The following NPAS3 variants were observed in gnomAD, a reference collection of about 807,000 sequenced individuals.
The protein encoded by NPAS3 is neuronal PAS domain protein 3, also known as neuronal PAS domain-containing protein 3.
NPAS3 carries 14 observed loss-of-function variants against 73.1 expected under a neutral mutation model. The observed-to-expected ratio is 0.19, with a 90% CI of 0.13 to 0.30. NPAS3 has a LOEUF of 0.30. Among genes scored for constraint, NPAS3 ranks in the 10% least tolerant of loss-of-function variants. The pLI is 1.00. For missense variants in NPAS3, 1,096 were observed against 1,250.0 expected, an observed-to-expected ratio of 0.88 and a Z score of 1.86; for synonymous variants, 620 against 541.5, an observed-to-expected ratio of 1.14 and a Z score of -2.01.
chr14:33,210,639 C>G (rs1336305640), intron 2 of NPAS3, among the ~76,000 whole-genome samples: 1 of 152,094 alleles, frequency 6.6e-6, no homozygotes, highest in Non-Finnish European at 1.5e-5. Context: ...ATTTAAAAAC[C>G]TTCAATAGCA....
At chr14:33,098,519 T>C (rs2042488853) in intron 2 of NPAS3, among the ~76,000 whole-genome samples, 1 of 152,172 alleles carries the variant, frequency 6.6e-6, no homozygotes, top group Non-Finnish European at 1.5e-5. Flanking sequence ...TTTAGGAAAC[T>C]GAGGCCCAAA....
chr14:33,122,791 C>CA (rs1344546586), intron 2 of NPAS3, among the ~76,000 whole-genome samples: 1 of 151,976 alleles, frequency 6.6e-6, no homozygotes, highest in African/African-American at 2.4e-5. Context: ...GCAGGAGAAA[C>CA]AGAGACTGAG....
chr14:33,466,334 C>T (rs1222837863), intron 4 of NPAS3, among the ~76,000 whole-genome samples: 7 of 152,168 alleles, frequency 4.6e-5, no homozygotes, highest in Non-Finnish European at 1.5e-5. Context: ...TAGAAAAACA[C>T]AGATGCTAGA....
intron 6 of NPAS3, among the ~76,000 whole-genome samples, chr14:33,702,959 A>C (rs770822626): frequency 2.0e-5 from 3 of 152,200 alleles, no homozygotes; most frequent in Admixed American, 6.5e-5. Flanking sequence ...GCCACATTAT[A>C]TGGCTTTATG....
intron 4 of NPAS3, among the ~76,000 whole-genome samples, chr14:33,487,593 C>T (rs182633233): frequency 3.9e-5 from 6 of 152,268 alleles, no homozygotes; most frequent in Non-Finnish European, 8.8e-5. Flanking sequence ...GAATTTCCTC[C>T]AATGTATCCA....
At chr14:33,122,801 G>A (rs1380581045) in intron 2 of NPAS3, among the ~76,000 whole-genome samples, 5 of 152,140 alleles carry the variant, frequency 3.3e-5, no homozygotes, top group Admixed American at 3.3e-4. Flanking sequence ...CAGAGACTGA[G>A]GGAAAGAAGA....
intron 4 of NPAS3, among the ~76,000 whole-genome samples, chr14:33,423,573 T>A (rs1030429688): frequency 6.6e-6 from 1 of 152,044 alleles, no homozygotes; most frequent in Non-Finnish European, 1.5e-5. Context: ...ATATATATCA[T>A]GTTTTAAGAG....
At chr14:33,765,987 C>T (rs2062450794) in intron 7 of NPAS3, among the ~76,000 whole-genome samples, 1 of 152,136 alleles carries the variant, frequency 6.6e-6, no homozygotes, top group Admixed American at 6.5e-5. Context: ...ACCACTAACC[C>T]CAGAGGTTTT....
In NPAS3 at chr14:33,320,722, A is replaced by T. The variant is rs57737771; in HGVS notation, c.386-46464A>T. ...CATTCAGTGCATGTTCAATACATGC[A>T]TGAAGCAGATGTCATTTGGTAAGAC... On this transcript the variant is annotated intron_variant, in intron 3 of 11. Transcript: ENST00000356141. 4.7e-4 allele frequency among the ~76,000 whole-genome samples: 72 copies of T among 152,344 alleles called. 1 individual carries two copies. The highest frequency in any genetic ancestry group is 1.7e-3 in the African/African-American group (70 of 41,594).
intron 5 of NPAS3, chr14:33,578,363 TTTTGTA>T: frequency 2.7e-6 from 1 of 370,078 alleles, no homozygotes; most frequent in Non-Finnish European, 5.3e-6. Flanking sequence ...CTGGCTAATT[TTTTGTA>T]TTTTTAGTAG....
chr14:33,159,162 CA>C (rs1218426068), intron 2 of NPAS3, among the ~76,000 whole-genome samples: 1 of 151,398 alleles, frequency 6.6e-6, no homozygotes, highest in African/African-American at 2.4e-5. Flanking sequence ...GACTCCATCT[CA>C]AAAAAAATAA....
chr14:33,523,181 G>A (rs537698586), intron 4 of NPAS3, among the ~76,000 whole-genome samples: 1 of 152,246 alleles, frequency 6.6e-6, no homozygotes, highest in South Asian at 2.1e-4. Flanking sequence ...GATAGGTACT[G>A]TACTTCAGTG....
chr14:33,070,839 A>ACTT (rs1566528408), intron 2 of NPAS3, among the ~76,000 whole-genome samples: 2 of 152,194 alleles, frequency 1.3e-5, no homozygotes, highest in African/African-American at 2.4e-5. Context: ...TGCTTGAGGG[A>ACTT]CTTTGTGCGA....
chr14:33,287,668 C>G (rs1394762053), intron 3 of NPAS3, among the ~76,000 whole-genome samples: 1 of 152,158 alleles, frequency 6.6e-6, no homozygotes, highest in Non-Finnish European at 1.5e-5. Flanking sequence ...GCTTTAAGTC[C>G]AGGACTCATC....
At chr14:33,775,952 T>TC (rs1369780015) in intron 8 of NPAS3, among the ~76,000 whole-genome samples, 2 of 152,182 alleles carry the variant, frequency 1.3e-5, no homozygotes, top group Admixed American at 6.5e-5. Flanking sequence ...GCTGCTGCTG[T>TC]CTCCATTGCC....
intron 3 of NPAS3, among the ~76,000 whole-genome samples, chr14:33,363,922 CTGTGTGTGTGTG>C (rs10627532): frequency 6.7e-6 from 1 of 148,770 alleles, no homozygotes; most frequent in African/African-American, 2.5e-5. Flanking sequence ...GCAATGCCCT[CTGTGTGTGTGTG>C]TGTGTGTGTG....
intron 3 of NPAS3, among the ~76,000 whole-genome samples, chr14:33,327,700 G>A (rs941641838): frequency 1.3e-5 from 2 of 152,166 alleles, no homozygotes; most frequent in African/African-American, 4.8e-5. Flanking sequence ...AGGTAGAGAT[G>A]AGAGGGCTGT....
chr14:32,976,035 A>G (rs1241195755), intron 1 of NPAS3, among the ~76,000 whole-genome samples: 1 of 152,160 alleles, frequency 6.6e-6, no homozygotes, highest in Non-Finnish European at 1.5e-5. Context: ...GTTATACATC[A>G]GTGGCTTTTA....
At chr14:33,394,600 T>C (rs1362949269) in intron 4 of NPAS3, among the ~76,000 whole-genome samples, 2 of 152,196 alleles carry the variant, frequency 1.3e-5, no homozygotes, top group Non-Finnish European at 2.9e-5. Flanking sequence ...TTACTAATTT[T>C]GTTGTTCAAT....
Sources: allele counts gnomAD v4.1 joint callset (sites outside exome capture counted in the v4.1 genomes callset), GRCh38; gene constraint gnomAD v4.1.1; transcripts MANE v1.5; gene names NCBI Gene and HGNC (gene_info 2026-07-23, HGNC 2026-07-21).